The following C4orf50 variants were observed in gnomAD, a reference collection of about 807,000 sequenced individuals.
C4orf50 encodes chromosome 4 open reading frame 50.
Under a neutral mutation model 77.2 loss-of-function variants are expected in C4orf50, and 80 were observed. The observed-to-expected ratio is 1.04, with a 90% CI of 0.87 to 1.25. The LOEUF (loss-of-function observed/expected upper bound fraction) is 1.25, where lower values mean the gene tolerates loss of function less well. C4orf50 is among the 50% of genes most tolerant of loss of function. The pLI is 0.00. For missense variants in C4orf50, 1,257 were observed against 1,152.9 expected, an observed-to-expected ratio of 1.09 and a Z score of -1.31; for synonymous variants, 532 against 465.3, an observed-to-expected ratio of 1.14 and a Z score of -1.84.
At position 6,011,428 on chromosome 4, in the gene C4orf50, C is replaced by T. The variant is rs1344577870; in HGVS notation, c.426+402G>A. 6.6e-6 allele frequency among the ~76,000 whole-genome samples: 1 copy of T among 152,132 alleles called. No homozygotes were observed. Among genetic ancestry groups the T allele is most frequent in the African/African-American group, 2.4e-5 (1 of 41,420 alleles). ...CTCTCTGTAGCTCTCCTCAACTCCC[C>T]TAGCCCCCTGAACACACGCCATGGG... is the stretch of plus-strand genomic sequence containing the variant. On this transcript the variant is annotated intron_variant, in intron 24 of 33. Coordinates refer to ENST00000531445, the Ensembl canonical transcript of C4orf50. The surrounding 1 kb of genome is among the most constrained non-coding windows in gnomAD (Gnocchi z 4.2).
chr4:6,012,049 T>G (rs73071523), intron 23 of C4orf50, 81 bp from the exon 2 acceptor site: 17,046 of 396,826 alleles, frequency 0.043, 859 homozygotes, highest in East Asian at 0.18. Context: ...CAGGGCCAAA[T>G]TATTATTATT....
rs187018832 is a variant in C4orf50 at position 6,011,659 on chromosome 4, C to A, written c.426+171G>T. On this transcript the variant is annotated intron_variant, in intron 24 of 33. Coordinates refer to ENST00000531445, the Ensembl canonical transcript of C4orf50. The surrounding 1 kb of genome is among the most constrained non-coding windows in gnomAD (Gnocchi z 4.2). ...CCCCCACCCCCACATCCCTGCATGC[C>A]CCAGGCCCCGCAGTCACGCCATGCA... Among the ~76,000 whole-genome samples, 691 of 152,302 alleles carry A rather than the reference C, an allele frequency of 4.5e-3. 2 individuals carry two copies. The highest frequency in any genetic ancestry group is 7.7e-3 in the Non-Finnish European group (526 of 68,028).
intron 25 of C4orf50, among the ~76,000 whole-genome samples, chr4:6,006,344 G>A (rs1243904841): frequency 6.6e-6 from 1 of 152,174 alleles, no homozygotes; most frequent in African/African-American, 2.4e-5. Flanking sequence ...AGCCACAGCG[G>A]GGAGGCAGGC....
chr4:5,917,911 G>A (rs552749392), intron 7 of C4orf50, among the ~76,000 whole-genome samples: 1 of 152,170 alleles, frequency 6.6e-6, no homozygotes, highest in East Asian at 1.9e-4. Context: ...GGCGAGAGGT[G>A]GCGTGCAATT....
At chr4:5,959,685 C>T (rs1005796978) in intron 33 of C4orf50, 59 bp from the exon 12 acceptor site, 4 of 1,545,084 alleles carry the variant, frequency 2.6e-6, no homozygotes, top group Non-Finnish European at 3.5e-6. Flanking sequence ...AAAGCCCCTC[C>T]ATTCACACAT....
intron 7 of C4orf50, among the ~76,000 whole-genome samples, chr4:5,920,409 T>C (rs1010441029): frequency 1.3e-5 from 2 of 151,984 alleles, no homozygotes; most frequent in Non-Finnish European, 2.9e-5. Context: ...ACATGGCAGG[T>C]ACCTACTTCA....
intron 7 of C4orf50, among the ~76,000 whole-genome samples, chr4:5,951,308 T>C (rs1718701536): frequency 6.7e-6 from 1 of 148,874 alleles, no homozygotes; most frequent in South Asian, 2.2e-4. Flanking sequence ...CTCATAACAA[T>C]ATAGTAAAGC....
chr4:5,915,994 G>A (rs190764496), intron 7 of C4orf50, among the ~76,000 whole-genome samples: 2 of 152,326 alleles, frequency 1.3e-5, no homozygotes, highest in East Asian at 3.9e-4. Flanking sequence ...GGCTGCTTGT[G>A]AAAGGAACCA....
intron 27 of C4orf50, 109 bp from the exon 6 acceptor site, chr4:5,990,933 G>A: frequency 2.5e-6 from 1 of 397,922 alleles, no homozygotes; most frequent in Non-Finnish European, 4.4e-6. Context: ...CAGCTGCACA[G>A]GGGACAAGCT....
exon 8 of C4orf50, chr4:5,897,618 A>G (rs1716176780): frequency 6.6e-6 from 1 of 152,372 alleles, no homozygotes; most frequent in Non-Finnish European, 1.5e-5. Flanking sequence ...TTAATTGTGA[A>G]AAAGCATACA....
intron 7 of C4orf50, among the ~76,000 whole-genome samples, chr4:5,924,306 A>G (rs1311339331): frequency 6.6e-6 from 1 of 152,230 alleles, no homozygotes; most frequent in Non-Finnish European, 1.5e-5. Context: ...GTCAAATGGA[A>G]ACCAAAATAG....
At position 5,970,058 on chromosome 4, in the gene C4orf50, G is replaced by A. The variant is rs907652174; in HGVS notation, c.4105-2596C>T. ...CTGCCTCCAAGGTCTCAGGGACGGG[G>A]AAAGGGGACGATGTAACTGAATACA... is the stretch of plus-strand genomic sequence containing the variant. On this transcript the variant is annotated intron_variant, in intron 31 of 33. Coordinates refer to ENST00000531445, the Ensembl canonical transcript of C4orf50. This position sits in a 1 kb window ranked among gnomAD's most constrained non-coding sequence, Gnocchi z 4.3. Among the ~76,000 whole-genome samples the A allele has an allele frequency of 6.6e-6, 1 of 151,942 alleles. No individual in the cohort carries two copies. Among genetic ancestry groups the A allele is most frequent in the Non-Finnish European group, 1.5e-5 (1 of 67,986 alleles).
exon 31 of C4orf50, chr4:5,973,823 C>G (rs758275202): frequency 1.9e-6 from 3 of 1,611,764 alleles, no homozygotes; most frequent in East Asian, 2.2e-5. Flanking sequence ...CACTTCCGGA[C>G]GAGGGAAGCT....
At chr4:5,973,972 A>G in intron 30 of C4orf50, 131 bp from the exon 9 acceptor site, 1 of 730,816 alleles carries the variant, frequency 1.4e-6, no homozygotes, top group South Asian at 2.0e-5. Flanking sequence ...TCAGCGGAGC[A>G]GCCTCCTCCC....
In C4orf50 at chr4:6,007,547, G is replaced by A. The variant is rs560921278; in HGVS notation, c.963+449C>T. Among the ~76,000 whole-genome samples, 15 of 152,248 alleles carry A rather than the reference G, an allele frequency of 9.9e-5. No individual in the cohort carries two copies. Among genetic ancestry groups the A allele is most frequent in the Non-Finnish European group, 1.6e-4 (11 of 68,024 alleles). On this transcript the variant is annotated intron_variant, in intron 25 of 33. Transcript: ENST00000531445. This position sits in a 1 kb window ranked among gnomAD's most constrained non-coding sequence, Gnocchi z 4.1. ...AAAAATAAGTTTCTGTTATTTATAA[G>A]CCACCATCTATGGTATTTTTTATAA...
At chr4:5,943,510 G>A (rs1056132678) in intron 7 of C4orf50, among the ~76,000 whole-genome samples, 2 of 152,204 alleles carry the variant, frequency 1.3e-5, no homozygotes, top group Admixed American at 6.5e-5. Context: ...CACCCCAACT[G>A]TGTGATCTTG....
chr4:5,927,211 C>T (rs1451932608), intron 7 of C4orf50, among the ~76,000 whole-genome samples: 4 of 152,108 alleles, frequency 2.6e-5, no homozygotes, highest in Non-Finnish European at 5.9e-5. Flanking sequence ...ACTGTGGAAT[C>T]AGGGCTCAGA....
intron 33 of C4orf50, among the ~76,000 whole-genome samples, chr4:5,962,033 G>T (rs1719303563): frequency 6.6e-6 from 1 of 152,192 alleles, no homozygotes; most frequent in Admixed American, 6.5e-5. Flanking sequence ...AGGGCAAGGA[G>T]CTCTGTTCCC....
At chr4:5,980,256 T>A in exon 29 of C4orf50, 1 of 1,612,996 alleles carries the variant, frequency 6.2e-7, no homozygotes, top group Non-Finnish European at 8.5e-7. Flanking sequence ...GAGCTGGCAC[T>A]GCAGGGTCAG....
Sources: allele counts gnomAD v4.1 joint callset (sites outside exome capture counted in the v4.1 genomes callset), GRCh38; gene constraint gnomAD v4.1.1; non-coding constraint Gnocchi (gnomAD v3.1); transcripts MANE v1.5; gene names NCBI Gene and HGNC (gene_info 2026-07-23, HGNC 2026-07-21).